Variants in VTI1A observed in about 807,000 individuals in gnomAD.
The protein encoded by VTI1A is vesicle transport through interaction with t-SNAREs homolog 1A.
A neutral mutation model predicts 34.9 loss-of-function variants in VTI1A; 22 were observed. That is an observed-to-expected ratio of 0.63 (90% CI 0.45 to 0.90). The LOEUF (loss-of-function observed/expected upper bound fraction) is 0.90, where lower values mean the gene tolerates loss of function less well. VTI1A is among the 40% of genes least tolerant of loss of function. The pLI is 0.00. For synonymous variants in VTI1A, 87 were observed against 97.3 expected (o/e 0.89, Z 0.62); for missense variants, 268 against 275.6 (o/e 0.97, Z 0.20).
chr10:112,802,420 T>C (rs1282887338), intron 7 of VTI1A, among the ~76,000 whole-genome samples: 1 of 151,988 alleles, frequency 6.6e-6, no homozygotes, highest in Non-Finnish European at 1.5e-5. Context: ...GCTGGAGAAG[T>C]GGGTTGAGGC....
At chr10:112,745,517 G>T (rs1850865158) in intron 7 of VTI1A, among the ~76,000 whole-genome samples, 1 of 152,112 alleles carries the variant, frequency 6.6e-6, no homozygotes, top group Non-Finnish European at 1.5e-5. Flanking sequence ...TACTCCATGA[G>T]TTGACCATCT....
intron 7 of VTI1A, among the ~76,000 whole-genome samples, chr10:112,799,693 G>T (rs1362361214): frequency 1.3e-5 from 2 of 152,046 alleles, no homozygotes; most frequent in African/African-American, 4.8e-5. Flanking sequence ...CCTCCTCCCA[G>T]CCTAAGAACC....
intron 3 of VTI1A, among the ~76,000 whole-genome samples, chr10:112,509,542 G>GGCGTTAAGATTGAATGCCCCAGAGTAA (rs1564806325): frequency 6.6e-6 from 1 of 152,216 alleles, no homozygotes; most frequent in Non-Finnish European, 1.5e-5. Context: ...GTTCATGTGA[G>GGCGTTAAGATTGAATGCCCCAGAGTAA]ACTCTGGAAG....
Position 112,606,890 on chromosome 10 carries a change from G to A in VTI1A, c.428-61328G>A, listed in dbSNP as rs551043049. On this transcript the variant is annotated intron_variant, in intron 5 of 7. Transcript: ENST00000393077. ...TAGTCCTAGTGGCAACAGCTACCAC[G>A]TAGTATTAAACACCAACTTTATGTC... is the stretch of plus-strand genomic sequence containing the variant. 1.9e-4 allele frequency among the ~76,000 whole-genome samples: 29 copies of A among 152,270 alleles called. No homozygotes were observed. In the Middle Eastern group the frequency reaches 0.017, roughly 89 times the overall value.
intron 5 of VTI1A, among the ~76,000 whole-genome samples, chr10:112,620,590 A>G (rs1264220979): frequency 6.6e-6 from 1 of 152,124 alleles, no homozygotes; most frequent in Non-Finnish European, 1.5e-5. Context: ...CAGGAGTTCG[A>G]GACCAGCCTG....
the VTI1A span, among the ~76,000 whole-genome samples, chr10:112,833,362 G>T: frequency 2.6e-5 from 4 of 151,752 alleles, no homozygotes; most frequent in Admixed American, 2.0e-4. Context: ...CTCCTTCAAG[G>T]TTCCACCCAG....
chr10:112,518,132 G>A (rs1382332357), intron 3 of VTI1A, among the ~76,000 whole-genome samples: 1 of 152,028 alleles, frequency 6.6e-6, no homozygotes, highest in African/African-American at 2.4e-5. Context: ...GACCTGCAGA[G>A]TGGTAGGAAG....
chr10:112,808,310 C>A (rs189201793), intron 7 of VTI1A, among the ~76,000 whole-genome samples: 1 of 151,980 alleles, frequency 6.6e-6, no homozygotes, highest in East Asian at 1.9e-4. Flanking sequence ...GGACACTGTT[C>A]AATCCAGTAC....
At chr10:112,679,172 G>A (rs1848130729) in intron 7 of VTI1A, among the ~76,000 whole-genome samples, 1 of 152,004 alleles carries the variant, frequency 6.6e-6, no homozygotes, top group South Asian at 2.1e-4. Context: ...TACCACACAA[G>A]CAGTTTTGTC....
chr10:112,660,376 G>A (rs2133819872), intron 5 of VTI1A, among the ~76,000 whole-genome samples: 1 of 152,336 alleles, frequency 6.6e-6, no homozygotes, highest in Non-Finnish European at 1.5e-5. Flanking sequence ...GGGATTACAG[G>A]CGTGAGCCAC....
intron 3 of VTI1A, among the ~76,000 whole-genome samples, chr10:112,524,352 G>A (rs1850141355): frequency 6.6e-6 from 1 of 152,100 alleles, no homozygotes; most frequent in Non-Finnish European, 1.5e-5. Context: ...TCGTGCTCAT[G>A]AGGAACTGTT....
At chr10:112,808,146 C>A (rs964111592) in intron 7 of VTI1A, among the ~76,000 whole-genome samples, 1 of 150,536 alleles carries the variant, frequency 6.6e-6, no homozygotes, top group African/African-American at 2.4e-5. Flanking sequence ...TGAGTCCAAG[C>A]GTTCAAGGCT....
At chr10:112,750,781 A>T (rs1036826693) in intron 7 of VTI1A, among the ~76,000 whole-genome samples, 1 of 152,180 alleles carries the variant, frequency 6.6e-6, no homozygotes, top group African/African-American at 2.4e-5. Flanking sequence ...CTCCTGTAGA[A>T]TGGCCATAAT....
intron 7 of VTI1A, among the ~76,000 whole-genome samples, chr10:112,698,603 G>A (rs993208251): frequency 6.6e-6 from 1 of 152,238 alleles, no homozygotes; most frequent in Non-Finnish European, 1.5e-5. Flanking sequence ...AGAAACACTT[G>A]TAATCGAATC....
chr10:112,538,263 T>C lies in VTI1A; in HGVS notation c.360T>C (p.Asp120=). The C allele has an allele frequency of 1.2e-6, 2 of 1,613,440 alleles. No homozygotes were observed. The highest frequency in any genetic ancestry group is 1.7e-6 in the Non-Finnish European group (2 of 1,179,744). Residue 120 remains aspartate, a synonymous_variant, in exon 5 of 8, where the codon GAT becomes GAC. Coordinates refer to ENST00000393077, the MANE Select transcript of VTI1A (RefSeq NM_145206.4). ...TTTTTCAGAGGGCACATCTGCTCGA[T>C]AACACAGAGAGGCTGGAAAGGTCAT... is the stretch of plus-strand genomic sequence containing the variant. ...SSENQRAHLL[D]NTERLERSSR...
chr10:112,633,625 C>T (rs182480230), intron 5 of VTI1A, among the ~76,000 whole-genome samples: 2 of 152,132 alleles, frequency 1.3e-5, no homozygotes, highest in Non-Finnish European at 1.5e-5. Context: ...AAGGGCATTG[C>T]CCCCAAAAAG....
intron 7 of VTI1A, among the ~76,000 whole-genome samples, chr10:112,733,600 C>T (rs972775609): frequency 2.2e-4 from 33 of 152,236 alleles, no homozygotes; most frequent in African/African-American, 7.7e-4. Flanking sequence ...TGGGTAATGT[C>T]ATCATCATCT....
chr10:112,550,378 G>A (rs1564823210), intron 5 of VTI1A, among the ~76,000 whole-genome samples: 1 of 142,660 alleles, frequency 7.0e-6, no homozygotes, highest in African/African-American at 2.6e-5. Context: ...CAGTGTTTAT[G>A]TATTTAACAG....
At chr10:112,658,547 C>T (rs1229127073) in intron 5 of VTI1A, among the ~76,000 whole-genome samples, 5 of 152,128 alleles carry the variant, frequency 3.3e-5, no homozygotes, top group Admixed American at 1.3e-4. Context: ...TCTTAAAATG[C>T]GGCATATACT....
Sources: gnomAD v4.1 joint callset for allele counts (sites outside exome capture counted in the v4.1 genomes callset) on GRCh38, gnomAD v4.1.1 for gene constraint, MANE v1.5 for transcripts, NCBI Gene and HGNC (gene_info 2026-07-23, HGNC 2026-07-21) for gene names.